The following ABCC6 variants were observed in gnomAD, a reference collection of about 807,000 sequenced individuals.
ABCC6 encodes ATP-binding cassette sub-family C member 6.
Under a neutral mutation model 169.5 loss-of-function variants are expected in ABCC6, and 126 were observed. The observed-to-expected ratio is 0.74, with a 90% CI of 0.64 to 0.86. The LOEUF is 0.86. Among genes scored for constraint, ABCC6 ranks in the 40% least tolerant of loss-of-function variants. The pLI, the probability that ABCC6 is intolerant of heterozygous loss-of-function variation, is 0.00. For missense variants in ABCC6, 1,733 were observed against 1,927.2 expected, an observed-to-expected ratio of 0.90 and a Z score of 1.89; for synonymous variants, 752 against 814.7, an observed-to-expected ratio of 0.92 and a Z score of 1.31.
intron 29 of ABCC6, among the ~76,000 whole-genome samples, chr16:16,152,372 C>T (rs1341928555): frequency 6.6e-6 from 1 of 151,780 alleles, no homozygotes; most frequent in African/African-American, 2.4e-5. Context: ...CACAGTAAGC[C>T]CTTCCATGAA....
intron 27 of ABCC6, 143 bp downstream of exon 27, chr16:16,157,520 T>G: frequency 8.4e-6 from 9 of 1,072,108 alleles, no homozygotes; most frequent in Non-Finnish European, 1.1e-5. Flanking sequence ...GAGGAGTTCA[T>G]TTTAGGGGGT....
At position 16,185,005 on chromosome 16, in the gene ABCC6, T is replaced by G. The variant is rs1567506423; in HGVS notation, c.1897A>C (p.Ser633Arg). ...AAGKDCITIH[S>R]ATFAWSQESP... ...TCCTGGGACCAGGCGAAGGTGGCACTGTGTATGGTGATGCAATCCTTCCCG... is the reference window on the plus strand; with the variant it reads ...TCCTGGGACCAGGCGAAGGTGGCACGGTGTATGGTGATGCAATCCTTCCCG... The change falls in exon 15 of 31, where the codon AGT (serine) becomes CGT (arginine). Residue 633 changes from serine (S) to arginine (R), a missense_variant. Transcript: ENST00000205557. 6.2e-7 allele frequency: 1 copy of G among 1,613,738 alleles called. No individual in the cohort carries two copies. The highest frequency in any genetic ancestry group is 1.7e-5 in the Admixed American group (1 of 60,016).
chr16:16,190,186 G>A lies in ABCC6; in HGVS notation c.1613C>T (p.Ser538Phe). The change falls in exon 12 of 31, where the codon TCC becomes TTC. Residue 538 changes from serine (S) to phenylalanine (F), a missense_variant. By Grantham distance (155) the Ser-to-Phe change is radical. Coordinates refer to ENST00000205557, the MANE Select transcript of ABCC6 (RefSeq NM_001171.6). Reference protein sequence around the residue: ...SGLLFSVSLVSFQVSTFLVAL... With the variant: ...SGLLFSVSLVFFQVSTFLVAL... ...CACCAGAAATGTAGACACTTGGAAG[G>A]ACACCAGCGACACAGAGAAGAGGAG... 1.2e-6 allele frequency: 2 copies of A among 1,613,954 alleles called. No homozygotes were observed. Among genetic ancestry groups the A allele is most frequent in the Non-Finnish European group, 8.5e-7 (1 of 1,180,010 alleles).
chr16:16,203,611 T>G lies in ABCC6; in HGVS notation c.797A>C (p.His266Pro). Residue 266 changes from histidine to proline, a missense_variant and splice_region_variant, in exon 8 of 31, where the codon CAC becomes CCC. Physicochemically the swap from His to Pro is moderately conservative, Grantham distance 77. Around this residue, in one of 5 missense-constraint regions of ABCC6, gnomAD observed 1,601 missense variants for 1,635.5 expected, o/e 0.98. Coordinates refer to ENST00000205557, the MANE Select transcript of ABCC6 (RefSeq NM_001171.6). Reference sequence around the variant, plus strand: ...CCTTTTAAATGCTATTGCCTTGTTGTGCCTGAGGGGAAGGGAGAGATTAGC... The same window carrying G: ...CCTTTTAAATGCTATTGCCTTGTTGGGCCTGAGGGGAAGGGAGAGATTAGC... ...WMRNRSAARR[H>P]NKAIAFKRKG... 6.2e-7 allele frequency: 1 copy of G among 1,614,040 alleles called. No individual in the cohort carries two copies. Among genetic ancestry groups the G allele is most frequent in the Non-Finnish European group, 8.5e-7 (1 of 1,179,870 alleles).
chr16:16,159,521 T>C lies in ABCC6; in HGVS notation c.3696A>G (p.Ser1232=). The change falls in exon 26 of 31, where the codon TCA becomes TCG. Residue 1232 remains serine (S), a synonymous_variant. Transcript: ENST00000205557. ...NWTDLENSIV[S]VERMQDYAWT... ...AGGCATAGTCCTGCATCCGCTCCACTGACACGATGCTGTTCTCTAGGTCTG... is the reference window on the plus strand; with the variant it reads ...AGGCATAGTCCTGCATCCGCTCCACCGACACGATGCTGTTCTCTAGGTCTG... 1.9e-6 allele frequency: 3 copies of C among 1,613,910 alleles called. No individual in the cohort carries two copies. Among genetic ancestry groups the C allele is most frequent in the Non-Finnish European group, 2.5e-6 (3 of 1,179,908 alleles).
chr16:16,183,380 C>T (rs986504716), intron 15 of ABCC6, among the ~76,000 whole-genome samples: 3 of 152,190 alleles, frequency 2.0e-5, no homozygotes, highest in Non-Finnish European at 4.4e-5. Context: ...TCCTCCCTCC[C>T]TCCCGCTACT....
chr16:16,195,248 A>G (rs948747856), intron 10 of ABCC6, among the ~76,000 whole-genome samples: 1 of 151,642 alleles, frequency 6.6e-6, no homozygotes, highest in African/African-American at 2.4e-5. Context: ...CAGGAAAAGT[A>G]CACAAGCAAA....
At chr16:16,162,250 A>G (rs2046743947) in intron 24 of ABCC6, among the ~76,000 whole-genome samples, 2 of 152,154 alleles carry the variant, frequency 1.3e-5, no homozygotes, top group African/African-American at 4.8e-5. Context: ...ACCTGAGATG[A>G]AAGGAAAAAG....
At position 16,177,505 on chromosome 16, in the gene ABCC6, G is replaced by A. The variant is rs751451807; in HGVS notation, c.2537C>T (p.Ala846Val). Residue 846 changes from alanine (A) to valine (V), a missense_variant, in exon 19 of 31, where the codon GCC becomes GTC. Around this residue, in one of 5 missense-constraint regions of ABCC6, gnomAD observed 1,601 missense variants for 1,635.5 expected, o/e 0.98. Transcript: ENST00000205557. ...SYQELLQRKG[A>V]LMCLLDQARQ... ...GGCTTGATCCAGAAGACACATGAGG[G>A]CCCCCTTCCTCTGCAGAAGCTCCTG... The A allele has an allele frequency of 6.2e-7, 1 of 1,613,990 alleles. No individual in the cohort carries two copies. The highest frequency in any genetic ancestry group is 8.5e-7 in the Non-Finnish European group (1 of 1,179,914).
In ABCC6 at chr16:16,173,281, T is replaced by C. The variant is rs1453910960; in HGVS notation, c.2787+3A>G. On this transcript the variant is annotated splice_donor_region_variant and intron_variant, in intron 21 of 30. Coordinates refer to ENST00000205557, the MANE Select transcript of ABCC6 (RefSeq NM_001171.6). ...GGGAGGGGTGGGTGAAGCTGGTGGT[T>C]ACCCTGCCGTATTGGATGCTGTCCT... The C allele has an allele frequency of 2.5e-6, 4 of 1,613,552 alleles. No individual in the cohort carries two copies. The Admixed American group carries it at 5.0e-5, about 20-fold the overall frequency.
chr16:16,189,222 G>A (rs925042293), intron 12 of ABCC6, among the ~76,000 whole-genome samples: 1 of 152,216 alleles, frequency 6.6e-6, no homozygotes, highest in Non-Finnish European at 1.5e-5. Context: ...CACGGCTCTA[G>A]GCATCACTAG....
rs374422780 is a variant in ABCC6 at position 16,208,666 on chromosome 16, C to A, written c.794+62G>T. On this transcript the variant is annotated intron_variant, in intron 7 of 30. Transcript: ENST00000205557. ...GGATTACAGTCGTGAGCCACCGCAC[C>A]CGGCCAATGATGAGCTTTTCTGAAG... 3.7e-6 allele frequency: 6 copies of A among 1,612,910 alleles called. No individual in the cohort carries two copies. In the East Asian group the frequency reaches 1.3e-4, roughly 36 times the overall value.
chr16:16,157,254 T>C (rs2046580488), intron 27 of ABCC6, among the ~76,000 whole-genome samples: 1 of 152,150 alleles, frequency 6.6e-6, no homozygotes, highest in Non-Finnish European at 1.5e-5. Context: ...CAGAGATCAG[T>C]ATTACCAGTC....
intron 27 of ABCC6, among the ~76,000 whole-genome samples, chr16:16,156,400 A>G (rs925221653): frequency 1.3e-5 from 2 of 152,194 alleles, no homozygotes; most frequent in African/African-American, 4.8e-5. Flanking sequence ...GGTAAACCAC[A>G]CCAAGTGGGT....
chr16:16,186,013 G>C (rs2047645027), intron 14 of ABCC6, among the ~76,000 whole-genome samples: 1 of 152,198 alleles, frequency 6.6e-6, no homozygotes, highest in Non-Finnish European at 1.5e-5. Flanking sequence ...GAAGCTCAGA[G>C]AGATGATCTA....
In ABCC6 at chr16:16,175,949, G is replaced by A. The variant is rs115379860; in HGVS notation, c.2628C>T (p.Gly876=). 6 of 1,614,024 alleles carry A rather than the reference G, an allele frequency of 3.7e-6. No individual in the cohort carries two copies. Among genetic ancestry groups the A allele is most frequent in the Non-Finnish European group, 5.1e-6 (6 of 1,180,030 alleles). Residue 876 remains glycine, a synonymous_variant, in exon 20 of 31, where the codon GGC becomes GGT. Transcript: ENST00000205557. The part of the protein sequence containing the change: ...EPGTSTKDPR[G]TSAGRRPELR... ...GCTCGGGCCTCCTGCCTGCAGAGGT[G>A]CCTCTGGGGTCCTTGGTGCTGGTCC...
chr16:16,154,917 C>G lies in ABCC6; in HGVS notation c.3997G>C (p.Val1333Leu), dbSNP rs142505247. ...IWIDGVPIAH[V>L]GLHTLRSRIS... ...CTGGAGCGCAGTGTGTGCAGCCCCACGTGGGCAATGGGGACCCCGTCGATC... is the reference window on the plus strand; with the variant it reads ...CTGGAGCGCAGTGTGTGCAGCCCCAGGTGGGCAATGGGGACCCCGTCGATC... Residue 1333 changes from valine to leucine, a missense_variant, in exon 28 of 31, where the codon GTG becomes CTG. By Grantham distance (32) the Val-to-Leu change is conservative (BLOSUM62 1). Transcript: ENST00000205557. The G allele has an allele frequency of 1.2e-6, 2 of 1,609,172 alleles. No homozygotes were observed. The highest frequency in any genetic ancestry group is 2.2e-5 in the East Asian group (1 of 44,594).
chr16:16,177,500 T>C lies in ABCC6; in HGVS notation c.2542A>G (p.Met848Val), dbSNP rs6416668. Reference sequence around the variant, plus strand: ...TGTCTGGCTTGATCCAGAAGACACATGAGGGCCCCCTTCCTCTGCAGAAGC... The same window carrying C: ...TGTCTGGCTTGATCCAGAAGACACACGAGGGCCCCCTTCCTCTGCAGAAGC... Reference protein sequence around the residue: ...QELLQRKGALMCLLDQARQPG... With the variant: ...QELLQRKGALVCLLDQARQPG... The change falls in exon 19 of 31, where the codon ATG becomes GTG. Residue 848 changes from methionine (M) to valine (V), a missense_variant. Physicochemically the swap from Met to Val is conservative, Grantham distance 21 (BLOSUM62 1). This residue lies in a region of ABCC6 where 1,601 missense variants were observed against 1,635.5 expected (regional missense o/e 0.98). Transcript: ENST00000205557. The C allele has an allele frequency of 0.99, 1,605,065 of 1,614,204 alleles. 798,386 individuals carry two copies. The highest frequency in any genetic ancestry group is 1 in the Non-Finnish European group (1,179,855 of 1,180,058).
intron 14 of ABCC6, 146 bp from the exon 15 acceptor site, chr16:16,185,180 C>T: frequency 1.3e-6 from 1 of 777,012 alleles, no homozygotes; most frequent in Non-Finnish European, 2.2e-6. Flanking sequence ...TGCCCTGCTA[C>T]TCACTGGCTT....
Sources: allele counts gnomAD v4.1 joint callset (sites outside exome capture counted in the v4.1 genomes callset), GRCh38; gene constraint gnomAD v4.1.1; regional missense constraint gnomAD v4.1.1; transcripts MANE v1.5; gene names NCBI Gene and HGNC (gene_info 2026-07-23, HGNC 2026-07-21).